EMILIN2: variants seen among roughly 807,000 people sequenced by gnomAD.
The protein encoded by EMILIN2 is elastin microfibril interfacer 2, also known as EMILIN-2.
A neutral mutation model predicts 87.1 loss-of-function variants in EMILIN2; 71 were observed. That is an observed-to-expected ratio of 0.82 (90% CI 0.67 to 0.99). The LOEUF (loss-of-function observed/expected upper bound fraction) is 0.99, where lower values mean the gene tolerates loss of function less well. EMILIN2 is among the 50% of genes least tolerant of loss of function. EMILIN2 has a pLI of 0.00. For missense variants in EMILIN2, 1,407 were observed against 1,371.8 expected, an observed-to-expected ratio of 1.03 and a Z score of -0.40; for synonymous variants, 581 against 563.4, an observed-to-expected ratio of 1.03 and a Z score of -0.44.
At chr18:2,901,231 C>T (rs1434107063) in intron 4 of EMILIN2, among the ~76,000 whole-genome samples, 5 of 152,192 alleles carry the variant, frequency 3.3e-5, no homozygotes, top group Non-Finnish European at 1.5e-5. Context: ...GACAAGACAC[C>T]CCTTAGTTGC....
At chr18:2,866,930 C>T (rs2076689254) in intron 2 of EMILIN2, among the ~76,000 whole-genome samples, 1 of 152,096 alleles carries the variant, frequency 6.6e-6, no homozygotes, top group South Asian at 2.1e-4. Context: ...TTATTAAATG[C>T]TTTTTCTGCG....
intron 2 of EMILIN2, among the ~76,000 whole-genome samples, chr18:2,873,600 GGGAGGCTGAGGCA>G (rs1252290540): frequency 6.8e-6 from 1 of 147,444 alleles, no homozygotes; most frequent in Non-Finnish European, 1.5e-5. Context: ...CCAGCTACTC[GGGAGGCTGAGGCA>G]GGAGAATGGC....
Position 2,891,288 on chromosome 18 carries a change from A to G in EMILIN2, c.1161A>G (p.Leu387=). 2 of 1,614,210 alleles carry G rather than the reference A, an allele frequency of 1.2e-6. No homozygotes were observed. The highest frequency in any genetic ancestry group is 1.7e-5 in the Admixed American group (1 of 60,030). The stretch of plus-strand genomic sequence containing the variant: ...AAATAAATAACCTCCGAGCCCGGCT[A>G]CAGGAGCCTTCAGCCCAGGCAAATT... ...RKEINNLRAR[L]QEPSAQANCC... The change falls in exon 4 of 8, where the codon CTA becomes CTG. Residue 387 remains leucine, a synonymous_variant. Transcript: ENST00000254528. The surrounding 1 kb of genome is among the most constrained non-coding windows in gnomAD (Gnocchi z 4.6).
At chr18:2,869,350 A>G (rs955835085) in intron 2 of EMILIN2, among the ~76,000 whole-genome samples, 8 of 152,174 alleles carry the variant, frequency 5.3e-5, no homozygotes, top group Non-Finnish European at 4.4e-5. Flanking sequence ...GTACAGTTTA[A>G]TATTTTGACA....
At chr18:2,900,076 A>G (rs142025686) in intron 4 of EMILIN2, among the ~76,000 whole-genome samples, 10 of 152,148 alleles carry the variant, frequency 6.6e-5, no homozygotes, top group African/African-American at 1.9e-4. Flanking sequence ...TTTGGTGTCA[A>G]TATGGTCCCT....
chr18:2,883,463 TGAA>T (rs1345389459), intron 2 of EMILIN2, among the ~76,000 whole-genome samples: 1 of 152,086 alleles, frequency 6.6e-6, no homozygotes, highest in Non-Finnish European at 1.5e-5. Context: ...GTGTAAGAAA[TGAA>T]GAGGAGCTGA....
At chr18:2,846,750 A>AGGC, upstream of EMILIN2, 1 of 985,284 alleles carries the variant, frequency 1.0e-6, no homozygotes, top group Non-Finnish European at 1.2e-6. This position sits in a 1 kb window ranked among gnomAD's most constrained non-coding sequence, Gnocchi z 5.3. Context: ...GGAAGGTGGG[A>AGGC]GGCGGAGTCG....
At chr18:2,884,164 G>T (rs1296662723) in intron 2 of EMILIN2, among the ~76,000 whole-genome samples, 1 of 152,186 alleles carries the variant, frequency 6.6e-6, no homozygotes, top group Non-Finnish European at 1.5e-5. Flanking sequence ...CACCGTGTTA[G>T]CCAGGATGGT....
chr18:2,858,569 A>ATATATATATATATATG (rs1305555851), intron 2 of EMILIN2, among the ~76,000 whole-genome samples: 4 of 55,370 alleles, frequency 7.2e-5, no homozygotes, highest in African/African-American at 1.2e-4. Flanking sequence ...ATATATATAT[A>ATATATATATATATATG]TGTGTGTGTG....
rs150567186 is a variant in EMILIN2 at position 2,913,290 on chromosome 18, G to T, written c.3048G>T (p.Ala1016=). Residue 1016 remains alanine, a synonymous_variant, in exon 8 of 8, where the codon GCG becomes GCT. Coordinates refer to ENST00000254528, the MANE Select transcript of EMILIN2 (RefSeq NM_032048.3). ...GAFHLIVHLK[A]GDAVNVVVTG... ...TCCACCTCATCGTGCACCTGAAGGC[G>T]GGAGATGCAGTCAACGTCGTGGTGA... The T allele has an allele frequency of 1.1e-5, 17 of 1,613,112 alleles. No individual in the cohort carries two copies. The highest frequency in any genetic ancestry group is 1.7e-5 in the Admixed American group (1 of 59,960).
intron 5 of EMILIN2, among the ~76,000 whole-genome samples, chr18:2,908,621 G>C (rs1377844390): frequency 6.6e-6 from 1 of 152,222 alleles, no homozygotes; most frequent in Non-Finnish European, 1.5e-5. Flanking sequence ...GCAAATGTTA[G>C]TTGGCTTGTG....
Position 2,906,522 on chromosome 18 carries a change from G to C in EMILIN2, c.2360-261G>C, listed in dbSNP as rs549760767. 8 of 341,812 alleles carry C rather than the reference G, an allele frequency of 2.3e-5. No individual in the cohort carries two copies. In the East Asian group the frequency reaches 2.6e-4, roughly 11 times the overall value. 21.2% of individuals were successfully genotyped at this position (341,812 alleles called of 1,614,324 possible). ...CGGAGCCAAGAGTGAGGCCGGTTTG[G>C]AAAGTGCAGCCGTCTGCGCCGGAGA... On this transcript the variant is annotated intron_variant, in intron 4 of 7. Transcript: ENST00000254528.
In EMILIN2 at chr18:2,906,904, C is replaced by A; in HGVS notation, c.2481C>A (p.Pro827=). The A allele has an allele frequency of 7.2e-7, 1 of 1,394,240 alleles. No individual in the cohort carries two copies. The highest frequency in any genetic ancestry group is 1.5e-5 in the South Asian group (1 of 65,020). The allele number at this position is 1,394,240 out of a possible 1,614,324, so 86.4% of individuals were successfully genotyped here. The change falls in exon 5 of 8, where the codon CCC becomes CCA. Residue 827 remains proline, a synonymous_variant. Transcript: ENST00000254528. ...ACCCTGGGCGACGGCCCGTCCTGCCCCAGCGGCCCCCCGAGGAGAGGCCGC... is the reference window on the plus strand; with the variant it reads ...ACCCTGGGCGACGGCCCGTCCTGCCACAGCGGCCCCCCGAGGAGAGGCCGC... ...AEDPGRRPVL[P]QRPPEERPPQ...
At chr18:2,866,482 T>G (rs1002152146) in intron 2 of EMILIN2, among the ~76,000 whole-genome samples, 1 of 152,244 alleles carries the variant, frequency 6.6e-6, no homozygotes, top group African/African-American at 2.4e-5. Flanking sequence ...GATTCTCAGC[T>G]TGGTCACTTT....
At chr18:2,864,656 C>T (rs1384828573) in intron 2 of EMILIN2, among the ~76,000 whole-genome samples, 1 of 152,110 alleles carries the variant, frequency 6.6e-6, no homozygotes. Context: ...AACATTTTTT[C>T]CTTCATTTCA....
chr18:2,884,763 G>GCC (rs2076794881), intron 2 of EMILIN2, among the ~76,000 whole-genome samples: 1 of 152,152 alleles, frequency 6.6e-6, no homozygotes, highest in African/African-American at 2.4e-5. Context: ...GGATTGGGGA[G>GCC]CCCCTGCCTT....
chr18:2,854,982 T>G (rs777046317), intron 2 of EMILIN2, among the ~76,000 whole-genome samples: 1 of 152,198 alleles, frequency 6.6e-6, no homozygotes, highest in Non-Finnish European at 1.5e-5. Context: ...AAACAAAAGT[T>G]TCGCCATCAA....
At chr18:2,846,779 A>G (rs143241004), upstream of EMILIN2, 288 of 985,284 alleles carry the variant, frequency 2.9e-4, 2 homozygotes, top group East Asian at 0.02. The surrounding 1 kb of genome is among the most constrained non-coding windows in gnomAD (Gnocchi z 5.3). Context: ...CTGGGAAGAG[A>G]CCAAAGGAAT....
Position 2,884,984 on chromosome 18 carries a change from C to G in EMILIN2, c.278C>G (p.Pro93Arg). The G allele has an allele frequency of 6.2e-7, 1 of 1,606,358 alleles. No homozygotes were observed. The highest frequency in any genetic ancestry group is 8.5e-7 in the Non-Finnish European group (1 of 1,176,286). ...CACAGGTATCGAGTGAACTTCAGAC[C>G]TAGATATGTCACTAGGTATAAGACA... ...SALVYRVNFR[P>R]RYVTRYKTVT... The change falls in exon 3 of 8, where the codon CCT becomes CGT. Residue 93 changes from proline (P) to arginine (R), a missense_variant. Coordinates refer to ENST00000254528, the MANE Select transcript of EMILIN2 (RefSeq NM_032048.3).
Sources: allele counts gnomAD v4.1 joint callset (sites outside exome capture counted in the v4.1 genomes callset), GRCh38; gene constraint gnomAD v4.1.1; non-coding constraint Gnocchi (gnomAD v3.1); transcripts MANE v1.5; gene names NCBI Gene and HGNC (gene_info 2026-07-23, HGNC 2026-07-21).